Variants in GMDS observed in about 807,000 individuals in gnomAD.
GMDS encodes the protein GDP-mannose 4,6-dehydratase.
Under a neutral mutation model 49.9 loss-of-function variants are expected in GMDS, and 20 were observed. That is an observed-to-expected ratio of 0.40 (90% CI 0.28 to 0.58). The LOEUF (loss-of-function observed/expected upper bound fraction) is 0.58. GMDS is among the 20% of genes least tolerant of loss of function. The probability of loss-of-function intolerance (pLI) is 0.42; values close to 1 mark genes in which losing one functional copy is unlikely to be tolerated. For missense variants in GMDS, 362 were observed against 481.4 expected, an observed-to-expected ratio of 0.75 and a Z score of 2.32; for synonymous variants, 177 against 178.6, an observed-to-expected ratio of 0.99 and a Z score of 0.07.
intron 6 of GMDS, among the ~76,000 whole-genome samples, chr6:1,934,827 A>G (rs1182623905): frequency 6.6e-6 from 1 of 152,168 alleles, no homozygotes; most frequent in Non-Finnish European, 1.5e-5. Flanking sequence ...ATATAAAAGC[A>G]TAGAACATGA....
At chr6:1,656,212 A>G (rs1581418756) in intron 9 of GMDS, among the ~76,000 whole-genome samples, 1 of 152,224 alleles carries the variant, frequency 6.6e-6, no homozygotes, top group Admixed American at 6.5e-5. Context: ...ACTTTCTAAA[A>G]CAGAAAATAA....
Position 1,930,164 on chromosome 6 carries a change from C to T in GMDS, c.710G>A (p.Cys237Tyr), listed in dbSNP as rs757524649. ...VAKIYLGQLECFSLGNLDAKR... is the reference protein window; with the variant it reads ...VAKIYLGQLEYFSLGNLDAKR... ...GGCATCCAGATTTCCCAAACTGAAA[C>T]ATTCCAGTTGTCCAAGGTAAATCTT... Residue 237 changes from cysteine to tyrosine, a missense_variant, in exon 7 of 11, where the codon TGT becomes TAT. By Grantham distance (194) the Cys-to-Tyr change is radical. Transcript: ENST00000380815. 2 of 1,612,250 alleles carry T rather than the reference C, an allele frequency of 1.2e-6. No homozygotes were observed. Among genetic ancestry groups the T allele is most frequent in the African/African-American group, 1.3e-5 (1 of 75,006 alleles).
At chr6:2,162,659 A>AACACACACACACAC (rs67198377) in intron 1 of GMDS, among the ~76,000 whole-genome samples, 15 of 135,728 alleles carry the variant, frequency 1.1e-4, no homozygotes, top group African/African-American at 3.2e-4. Context: ...ATAACATTCC[A>AACACACACACACAC]ACACACACAC....
In GMDS at chr6:1,865,717, C is replaced by T. The variant is rs531364814; in HGVS notation, c.771+64386G>A. On this transcript the variant is annotated intron_variant, in intron 7 of 10. Coordinates refer to ENST00000380815, the MANE Select transcript of GMDS (RefSeq NM_001500.4). ...GGAGGCCAATGGCTTTGAACCTGGG[C>T]TCCACCAGTCATTCCACCCAGCGAA... 2.0e-5 allele frequency among the ~76,000 whole-genome samples: 3 copies of T among 152,318 alleles called. No homozygotes were observed. In the South Asian group the frequency reaches 6.2e-4, roughly 32 times the overall value.
At position 1,694,831 on chromosome 6, in the gene GMDS, T is replaced by TG. The variant is rs557681464; in HGVS notation, c.987+31584dup. ...CAAATTTTAAACTAGGACATACACC[T>TG]GTCCAAATGAAAAGTACCTATTACT... On this transcript the variant is annotated intron_variant, in intron 9 of 10. Coordinates refer to ENST00000380815, the MANE Select transcript of GMDS (RefSeq NM_001500.4). Among the ~76,000 whole-genome samples, 80 of 152,308 alleles carry TG rather than the reference T, an allele frequency of 5.3e-4. No individual in the cohort carries two copies. The East Asian group carries it at 0.014, about 27-fold the overall frequency.
chr6:1,733,475 G>GA (rs1302939751), intron 8 of GMDS, among the ~76,000 whole-genome samples: 1 of 152,174 alleles, frequency 6.6e-6, no homozygotes, highest in African/African-American at 2.4e-5. Flanking sequence ...TGACTGGAGG[G>GA]ACCCCGATTC....
intron 9 of GMDS, among the ~76,000 whole-genome samples, chr6:1,662,012 C>T (rs571866370): frequency 7.2e-5 from 11 of 152,152 alleles, no homozygotes; most frequent in African/African-American, 9.6e-5. Flanking sequence ...GCAGGAGCAC[C>T]GGGAGTCACA....
chr6:2,027,014 A>AT (rs1224933316), intron 4 of GMDS, among the ~76,000 whole-genome samples: 2 of 152,232 alleles, frequency 1.3e-5, no homozygotes, highest in East Asian at 3.8e-4. Flanking sequence ...AAATTATGGA[A>AT]TACATTTTAG....
At chr6:1,651,837 C>T (rs1763661852) in intron 9 of GMDS, among the ~76,000 whole-genome samples, 1 of 152,202 alleles carries the variant, frequency 6.6e-6, no homozygotes, top group Admixed American at 6.5e-5. Context: ...ACAATATTCG[C>T]TTGTTCCTAT....
At chr6:1,869,377 C>T (rs1212142712) in intron 7 of GMDS, among the ~76,000 whole-genome samples, 4 of 152,036 alleles carry the variant, frequency 2.6e-5, no homozygotes, top group African/African-American at 9.7e-5. Context: ...ATCTGTGGCC[C>T]AGGTATGTTT....
chr6:1,672,780 T>G (rs1314791278), intron 9 of GMDS, among the ~76,000 whole-genome samples: 1 of 152,168 alleles, frequency 6.6e-6, no homozygotes, highest in Non-Finnish European at 1.5e-5. Context: ...GATGCAAAAT[T>G]CTGGGGTTAA....
intron 9 of GMDS, among the ~76,000 whole-genome samples, chr6:1,660,370 T>C (rs949743076): frequency 2.0e-5 from 3 of 152,098 alleles, no homozygotes; most frequent in African/African-American, 7.2e-5. Context: ...TGGGGGCTTT[T>C]AGTGTCTTTA....
At chr6:2,118,628 C>T (rs777453112) in intron 2 of GMDS, among the ~76,000 whole-genome samples, 6 of 152,078 alleles carry the variant, frequency 3.9e-5, no homozygotes, top group South Asian at 2.1e-4. Flanking sequence ...TTGACTTCTG[C>T]GAAGGATACA....
intron 7 of GMDS, among the ~76,000 whole-genome samples, chr6:1,779,024 G>T (rs1318313700): frequency 6.6e-6 from 1 of 152,154 alleles, no homozygotes; most frequent in Non-Finnish European, 1.5e-5. Context: ...CCTGGCTGGG[G>T]TGGGAGTGAG....
intron 4 of GMDS, among the ~76,000 whole-genome samples, chr6:2,023,496 G>A (rs1768396716): frequency 6.6e-6 from 1 of 152,214 alleles, no homozygotes; most frequent in Admixed American, 6.5e-5. Flanking sequence ...CCTTCTGCAG[G>A]CCAAGTGGAC....
At chr6:1,633,160 T>C (rs1164870289) in intron 9 of GMDS, among the ~76,000 whole-genome samples, 4 of 152,234 alleles carry the variant, frequency 2.6e-5, no homozygotes, top group African/African-American at 9.6e-5. Flanking sequence ...TTTCATTTCT[T>C]GCAGTAACAT....
chr6:1,840,102 G>A lies in GMDS; in HGVS notation c.771+90001C>T, dbSNP rs545795111. ...GTGTAAAACTCTCACAGAATGTTAC[G>A]CACAAAACCAGTGCACTTCAAATGT... On this transcript the variant is annotated intron_variant, in intron 7 of 10. Coordinates refer to ENST00000380815, the MANE Select transcript of GMDS (RefSeq NM_001500.4). Among the ~76,000 whole-genome samples the A allele has an allele frequency of 4.6e-5, 7 of 152,222 alleles. No individual in the cohort carries two copies. The East Asian group carries it at 5.8e-4, about 13-fold the overall frequency.
At chr6:1,763,372 A>C (rs1768231314) in intron 7 of GMDS, among the ~76,000 whole-genome samples, 1 of 152,234 alleles carries the variant, frequency 6.6e-6, no homozygotes, top group African/African-American at 2.4e-5. Flanking sequence ...CTTCAAGGGA[A>C]GCATTCAGTA....
chr6:1,705,265 G>A (rs1022312051), intron 9 of GMDS, among the ~76,000 whole-genome samples: 1 of 152,208 alleles, frequency 6.6e-6, no homozygotes, highest in Non-Finnish European at 1.5e-5. Flanking sequence ...CCTCCGGAGA[G>A]CTTGGAGTTG....
Sources: gnomAD v4.1 joint callset for allele counts (sites outside exome capture counted in the v4.1 genomes callset) on GRCh38, gnomAD v4.1.1 for gene constraint, MANE v1.5 for transcripts, NCBI Gene and HGNC (gene_info 2026-07-23, HGNC 2026-07-21) for gene names.